Variants in COL17A1 observed in about 807,000 individuals in gnomAD.
COL17A1 encodes collagen type XVII alpha 1 chain.
A neutral mutation model predicts 218.4 loss-of-function variants in COL17A1; 181 were observed. That is an observed-to-expected ratio of 0.83 (90% confidence interval 0.73 to 0.94). COL17A1 has a LOEUF of 0.94. COL17A1 is among the 40% of genes least tolerant of loss of function. The pLI is 0.00. For synonymous variants in COL17A1, 721 were observed against 731.0 expected, an observed-to-expected ratio of 0.99 and a Z score of 0.22; for missense variants, 1,924 against 1,945.9, an observed-to-expected ratio of 0.99 and a Z score of 0.21.
In COL17A1 at chr10:104,070,541, C is replaced by A. The variant is rs1295346796; in HGVS notation, c.492G>T (p.Leu164Phe). The A allele has an allele frequency of 1.2e-6, 2 of 1,614,088 alleles. No individual in the cohort carries two copies. The highest frequency in any genetic ancestry group is 8.5e-7 in the Non-Finnish European group (1 of 1,180,046). The change falls in exon 9 of 56, where the codon TTG (leucine) becomes TTT (phenylalanine). Residue 164 changes from leucine (L) to phenylalanine (F), a missense_variant. Physicochemically the swap from Leu to Phe is conservative, Grantham distance 22. Transcript: ENST00000648076. The stretch of plus-strand genomic sequence containing the variant: ...CACTTGCCGATCGACTCCCCTTGAG[C>A]AAACGCTTAACATCATCCAATTCTG... ...RWTELDDVKR[L>F]LKGSRSASVS... is the part of the protein sequence containing the mutation.
At chr10:104,061,825 A>C (rs754768348) in intron 12 of COL17A1, among the ~76,000 whole-genome samples, 1 of 152,062 alleles carries the variant, frequency 6.6e-6, no homozygotes, top group Non-Finnish European at 1.5e-5. Flanking sequence ...TCTTCCAATT[A>C]AGTAGCAGGC....
chr10:104,034,862 A>G (rs765750314), intron 50 of COL17A1, 95 bp from the exon 51 acceptor site: 4 of 1,516,808 alleles, frequency 2.6e-6, no homozygotes, highest in Non-Finnish European at 3.6e-6. Flanking sequence ...CCCACCTGAA[A>G]GGAGGGGATG....
chr10:104,036,726 G>A (rs1456409867), intron 47 of COL17A1, 94 bp from the exon 48 acceptor site: 1 of 1,460,356 alleles, frequency 6.8e-7, no homozygotes, highest in African/African-American at 1.4e-5. Flanking sequence ...GCACAAACTG[G>A]CTCCTGCGTG....
chr10:104,064,195 T>G (rs2086606357), intron 10 of COL17A1, among the ~76,000 whole-genome samples: 1 of 152,242 alleles, frequency 6.6e-6, no homozygotes, highest in Non-Finnish European at 1.5e-5. Flanking sequence ...ACATCCATTT[T>G]CAGTGTTCTT....
At position 104,049,401 on chromosome 10, in the gene COL17A1, A is replaced by G. The variant is rs759535197; in HGVS notation, c.2227+8T>C. The G allele has an allele frequency of 6.2e-7, 1 of 1,613,882 alleles. No individual in the cohort carries two copies. Among genetic ancestry groups the G allele is most frequent in the South Asian group, 1.1e-5 (1 of 91,078 alleles). On this transcript the variant is annotated splice_region_variant and intron_variant, in intron 29 of 55. Transcript: ENST00000648076. ...AACTCACTGAATCCATTCCTTTGGA[A>G]CACTTACCCATTGCTCCTTTAGCCC...
intron 5 of COL17A1, among the ~76,000 whole-genome samples, 156 bp from the exon 6 acceptor site, chr10:104,074,387 G>T (rs1175156068): frequency 6.6e-6 from 1 of 152,226 alleles, no homozygotes; most frequent in Non-Finnish European, 1.5e-5. Flanking sequence ...TGTCAAAGGA[G>T]CCAGGCTCAT....
At position 104,041,098 on chromosome 10, in the gene COL17A1, G is replaced by T. The variant is rs1423510847; in HGVS notation, c.2668C>A (p.Pro890Thr). The T allele has an allele frequency of 1.2e-6, 2 of 1,614,078 alleles. No individual in the cohort carries two copies. The highest frequency in any genetic ancestry group is 1.7e-5 in the Admixed American group (1 of 60,014). Reference protein sequence around the residue: ...GPPGEGLPGPPGPPGSFLSNS... With the variant: ...GPPGEGLPGPTGPPGSFLSNS... Reference sequence around the variant, plus strand: ...GACAGGAACGATCCTGGTGGGCCTGGTGGGCCTGGCAAACCCTCCCCTAGG... The same window carrying T: ...GACAGGAACGATCCTGGTGGGCCTGTTGGGCCTGGCAAACCCTCCCCTAGG... The change falls in exon 39 of 56, where the codon CCA becomes ACA. Residue 890 changes from proline (P) to threonine (T), a missense_variant. By Grantham distance (38) the Pro-to-Thr change is conservative. Transcript: ENST00000648076.
At chr10:104,074,340 G>A in intron 5 of COL17A1, 109 bp from the exon 6 acceptor site, 1 of 1,474,054 alleles carries the variant, frequency 6.8e-7, no homozygotes, top group Non-Finnish European at 9.4e-7. Flanking sequence ...AGCCCTCAGT[G>A]TTTCAGGGGG....
intron 32 of COL17A1, among the ~76,000 whole-genome samples, chr10:104,046,509 A>G (rs986611943): frequency 2.6e-5 from 4 of 152,200 alleles, no homozygotes; most frequent in African/African-American, 9.6e-5. Flanking sequence ...GGAACAGGGC[A>G]CAGGCAGACA....
At chr10:104,061,963 G>A (rs2086586596) in intron 12 of COL17A1, among the ~76,000 whole-genome samples, 1 of 152,180 alleles carries the variant, frequency 6.6e-6, no homozygotes, top group Non-Finnish European at 1.5e-5. Context: ...ACAGTGGGCT[G>A]TCAAGGACAG....
intron 51 of COL17A1, 130 bp from the exon 52 acceptor site, chr10:104,034,464 C>T: frequency 6.8e-7 from 1 of 1,475,522 alleles, no homozygotes; most frequent in Non-Finnish European, 9.1e-7. Context: ...GTTCTTGTAC[C>T]CGAGTGGGAG....
chr10:104,074,344 CA>C (rs533982846), intron 5 of COL17A1, 113 bp from the exon 6 acceptor site: 51 of 1,467,794 alleles, frequency 3.5e-5, no homozygotes, highest in Middle Eastern at 4.4e-4. Flanking sequence ...CTCAGTGTTT[CA>C]GGGGGGAATG....
chr10:104,047,661 A>G (rs1432521561), intron 31 of COL17A1, 78 bp downstream of exon 31: 2 of 1,210,484 alleles, frequency 1.7e-6, no homozygotes, highest in African/African-American at 3.0e-5. Context: ...ATGCACACGC[A>G]CACACATGCC....
chr10:104,041,347 G>A lies in COL17A1; in HGVS notation c.2606-3C>T. On this transcript the variant is annotated splice_region_variant and splice_polypyrimidine_tract_variant and intron_variant, in intron 37 of 55. Transcript: ENST00000648076. ...TGGTGGGCCTGGAATGGAAGGCCCTGCAGAAGAGAGCAAGGAAGAGGCCAT... is the reference window on the plus strand; with the variant it reads ...TGGTGGGCCTGGAATGGAAGGCCCTACAGAAGAGAGCAAGGAAGAGGCCAT... 6.2e-7 allele frequency: 1 copy of A among 1,610,708 alleles called. No homozygotes were observed. Among genetic ancestry groups the A allele is most frequent in the Non-Finnish European group, 8.5e-7 (1 of 1,178,588 alleles).
intron 11 of COL17A1, among the ~76,000 whole-genome samples, chr10:104,062,933 C>G (rs2086595721): frequency 6.6e-6 from 1 of 152,242 alleles, no homozygotes. Flanking sequence ...TATCAAGGAT[C>G]TGGTATCAGC....
chr10:104,059,729 A>G lies in COL17A1; in HGVS notation c.1142-11T>C, dbSNP rs753580379. The G allele has an allele frequency of 3.1e-6, 5 of 1,612,658 alleles. No individual in the cohort carries two copies. Among genetic ancestry groups the G allele is most frequent in the Non-Finnish European group, 4.2e-6 (5 of 1,178,798 alleles). On this transcript the variant is annotated splice_polypyrimidine_tract_variant and intron_variant, in intron 14 of 55. Transcript: ENST00000648076. ...CTTCTGAAAAAGAAGCTATGTACAG[A>G]ACCCATTATAACCTGGCATATTCTC...
At position 104,037,779 on chromosome 10, in the gene COL17A1, G is replaced by C. The variant is rs773420167; in HGVS notation, c.3071-6C>G. On this transcript the variant is annotated splice_polypyrimidine_tract_variant and splice_region_variant and intron_variant, in intron 45 of 55. Coordinates refer to ENST00000648076, the MANE Select transcript of COL17A1 (RefSeq NM_000494.4). ...GTAAGATCTAATACTGTCACCTGCCGACCAAGGAACAAAGCAAAGTCAAGC... is the reference window on the plus strand; with the variant it reads ...GTAAGATCTAATACTGTCACCTGCCCACCAAGGAACAAAGCAAAGTCAAGC... The C allele has an allele frequency of 2.5e-6, 4 of 1,613,312 alleles. No individual in the cohort carries two copies. Among genetic ancestry groups the C allele is most frequent in the Non-Finnish European group, 3.4e-6 (4 of 1,179,828 alleles).
intron 24 of COL17A1, 22 bp downstream of exon 24, chr10:104,052,133 C>A: frequency 6.2e-7 from 1 of 1,614,090 alleles, no homozygotes; most frequent in Non-Finnish European, 8.5e-7. Context: ...AACTTTGATT[C>A]CTTCCTGCAC....
At chr10:104,080,750 A>G in intron 1 of COL17A1, 66 bp from the exon 2 acceptor site, 1 of 1,532,954 alleles carries the variant, frequency 6.5e-7, no homozygotes, top group Non-Finnish European at 9.0e-7. Context: ...ATAGGTCCCC[A>G]CTGTTGAAGC....
Sources: allele counts gnomAD v4.1 joint callset (sites outside exome capture counted in the v4.1 genomes callset), GRCh38; gene constraint gnomAD v4.1.1; transcripts MANE v1.5; gene names NCBI Gene and HGNC (gene_info 2026-07-23, HGNC 2026-07-21).